ACSBG2: variants seen among roughly 807,000 people sequenced by gnomAD.
The protein encoded by ACSBG2 is long-chain-fatty-acid--CoA ligase ACSBG2.
ACSBG2 carries 62 observed loss-of-function variants against 74.7 expected under a neutral mutation model. That is an observed-to-expected ratio of 0.83 (90% CI 0.68 to 1.03). ACSBG2 has a LOEUF of 1.03. Among genes scored for constraint, ACSBG2 ranks in the 50% least tolerant of loss-of-function variants. The probability of loss-of-function intolerance (pLI) is 0.00; values close to 1 mark genes in which losing one functional copy is unlikely to be tolerated. For synonymous variants in ACSBG2, 309 were observed against 294.1 expected (o/e 1.05, Z -0.52); for missense variants, 730 against 817.6 (o/e 0.89, Z 1.31).
Position 6,183,145 on chromosome 19 carries a change from G to T in ACSBG2, c.1195G>T (p.Ala399Ser). 6.2e-7 allele frequency: 1 copy of T among 1,614,224 alleles called. No homozygotes were observed. The highest frequency in any genetic ancestry group is 2.2e-5 in the East Asian group (1 of 44,888). Residue 399 changes from alanine (A) to serine (S), a missense_variant, in exon 10 of 15, where the codon GCG (alanine) becomes TCG (serine). Coordinates refer to ENST00000588485, the MANE Select transcript of ACSBG2 (RefSeq NM_030924.5). ...CTGTCACTCTTTTATCAGTGGGACT[G>T]CGCCCCTCAACCAAGAGACTGCCGA... Reference protein sequence around the residue: ...DHCHSFISGTAPLNQETAEFF... With the variant: ...DHCHSFISGTSPLNQETAEFF...
At chr19:6,159,982 C>G (rs2089551489) in intron 5 of ACSBG2, among the ~76,000 whole-genome samples, 1 of 152,160 alleles carries the variant, frequency 6.6e-6, no homozygotes, top group African/African-American at 2.4e-5. Context: ...CAATGCATGC[C>G]AGAGGCGTGG....
chr19:6,159,667 G>A (rs954234185), intron 5 of ACSBG2, among the ~76,000 whole-genome samples: 1 of 152,184 alleles, frequency 6.6e-6, no homozygotes, highest in African/African-American at 2.4e-5. Context: ...TTATTTGGGG[G>A]AGTAATCACA....
At chr19:6,185,376 A>C (rs2090375535) in intron 10 of ACSBG2, 60 bp from the exon 11 acceptor site, 1 of 1,567,938 alleles carries the variant, frequency 6.4e-7, no homozygotes, top group Non-Finnish European at 8.8e-7. Flanking sequence ...AGATCCAGGC[A>C]GAGCTGGGTG....
At chr19:6,141,101 A>C (rs1163395802) in intron 1 of ACSBG2, among the ~76,000 whole-genome samples, 1 of 152,104 alleles carries the variant, frequency 6.6e-6, no homozygotes, top group East Asian at 1.9e-4. Flanking sequence ...CCATGTGGAA[A>C]ATTTAAAAAT....
chr19:6,190,599 T>C lies in ACSBG2; in HGVS notation c.1943T>C (p.Leu648Pro). 6.2e-7 allele frequency: 1 copy of C among 1,614,022 alleles called. No homozygotes were observed. Among genetic ancestry groups the C allele is most frequent in the Non-Finnish European group, 8.5e-7 (1 of 1,179,946 alleles). Residue 648 changes from leucine (L) to proline (P), a missense_variant, in exon 14 of 15, where the codon CTT becomes CCT. Leu to Pro is a moderately conservative substitution (Grantham distance 98, BLOSUM62 -3). Transcript: ENST00000588485. ...TTCTCGATAGGTCCAATGATGAAACTTAAGAGACATTTTGTAGCCCAGAAA... is the reference window on the plus strand; with the variant it reads ...TTCTCGATAGGTCCAATGATGAAACCTAAGAGACATTTTGTAGCCCAGAAA... ...YGGELGPMMK[L>P]KRHFVAQKYK...
At chr19:6,149,721 T>C (rs1467645222) in intron 3 of ACSBG2, among the ~76,000 whole-genome samples, 1 of 152,132 alleles carries the variant, frequency 6.6e-6, no homozygotes, top group African/African-American at 2.4e-5. Flanking sequence ...TGGGCCAGGC[T>C]GGTCTCGAAC....
rs1443928725 is a variant in ACSBG2 at position 6,135,917 on chromosome 19, T to A, written c.-32+8T>A. 1 of 152,046 alleles carries A rather than the reference T, an allele frequency of 6.6e-6. No homozygotes were observed. The highest frequency in any genetic ancestry group is 1.9e-4 in the East Asian group (1 of 5,196). The allele number at this position is 152,046 out of a possible 1,614,324, so 9.4% of individuals were successfully genotyped here. A position where few individuals can be genotyped will look rare whatever the true frequency, so the allele number is the denominator to read the frequency against. On this transcript the variant is annotated splice_region_variant and intron_variant, in intron 1 of 14. Transcript: ENST00000588485. The stretch of plus-strand genomic sequence containing the variant: ...CCTCTTGAAGAGTGACAGGTGCCAG[T>A]GGTATGGGAGAAGGGCATGCGTTTT...
chr19:6,151,218 G>C (rs1175526610), intron 3 of ACSBG2, among the ~76,000 whole-genome samples: 2 of 151,756 alleles, frequency 1.3e-5, no homozygotes, highest in African/African-American at 2.4e-5. Flanking sequence ...GTGTTATGTA[G>C]AGGGAGGTAA....
At chr19:6,155,576 G>A (rs2089389783) in intron 4 of ACSBG2, among the ~76,000 whole-genome samples, 2 of 152,104 alleles carry the variant, frequency 1.3e-5, no homozygotes, top group African/African-American at 4.8e-5. Context: ...GGTCACTGGA[G>A]TCCAGGAGTT....
chr19:6,141,479 A>G (rs2088830353), intron 1 of ACSBG2, 34 bp from the exon 2 acceptor site: 4 of 1,097,384 alleles, frequency 3.6e-6, no homozygotes, highest in Non-Finnish European at 5.6e-6. Flanking sequence ...CCCTTTGCCA[A>G]TCCTGTTAAA....
rs2090201627 is a variant in ACSBG2, at chr19:6,180,036, G to A, written c.906+2640G>A. ...TTGGGGACCTTTTCCAGCTTCTAGA[G>A]GCCACCTATGTTCCTTATCTCAGGG... On this transcript the variant is annotated intron_variant, in intron 8 of 14. Transcript: ENST00000588485. This position sits in a 1 kb window ranked among gnomAD's most constrained non-coding sequence, Gnocchi z 4.3. Among the ~76,000 whole-genome samples the A allele has an allele frequency of 6.6e-6, 1 of 152,006 alleles. No individual in the cohort carries two copies. The highest frequency in any genetic ancestry group is 2.4e-5 in the African/African-American group (1 of 41,374).
At chr19:6,158,451 T>A (rs560517624) in intron 5 of ACSBG2, among the ~76,000 whole-genome samples, 1 of 152,178 alleles carries the variant, frequency 6.6e-6, no homozygotes, top group Admixed American at 6.5e-5. Context: ...TTTTTTTTTT[T>A]TTTTCATTGT....
At chr19:6,143,757 T>C (rs1464477500) in intron 2 of ACSBG2, among the ~76,000 whole-genome samples, 1 of 152,148 alleles carries the variant, frequency 6.6e-6, no homozygotes, top group African/African-American at 2.4e-5. Flanking sequence ...GTGGTTTCTT[T>C]GTGAGCTGGT....
chr19:6,167,984 C>CCA (rs1555694650), intron 7 of ACSBG2, among the ~76,000 whole-genome samples: 2,653 of 147,092 alleles, frequency 0.018, 96 homozygotes, highest in African/African-American at 0.062. Flanking sequence ...CTCACCCCCA[C>CCA]CCCCAGTCTA....
At chr19:6,149,601 G>A (rs2089162303) in intron 3 of ACSBG2, among the ~76,000 whole-genome samples, 1 of 151,054 alleles carries the variant, frequency 6.6e-6, no homozygotes, top group African/African-American at 2.4e-5. Context: ...TCAGCCTCCA[G>A]GTTCAAGCAA....
intron 7 of ACSBG2, among the ~76,000 whole-genome samples, chr19:6,175,059 G>A (rs143919458): frequency 6.6e-6 from 1 of 152,164 alleles, no homozygotes; most frequent in African/African-American, 2.4e-5. Context: ...ACTGAGATCT[G>A]AACCAGGAGT....
intron 3 of ACSBG2, among the ~76,000 whole-genome samples, chr19:6,150,770 G>A (rs900151537): frequency 6.6e-6 from 1 of 152,124 alleles, no homozygotes; most frequent in Non-Finnish European, 1.5e-5. Context: ...GAACAGTGGT[G>A]ACGGTTGTAC....
intron 14 of ACSBG2, 120 bp downstream of exon 14, chr19:6,190,812 TACAC>T (rs58730661): frequency 0.019 from 6,276 of 335,940 alleles, 37 homozygotes; most frequent in Middle Eastern, 0.041. Flanking sequence ...CACACATACA[TACAC>T]ACACACACAC....
At chr19:6,191,460 T>C (rs1490844031) in intron 14 of ACSBG2, 3 of 152,082 alleles carry the variant, frequency 2.0e-5, no homozygotes, top group Non-Finnish European at 4.4e-5. Flanking sequence ...AGGCTAAAAG[T>C]GTGAGATTGA....
Sources: gnomAD v4.1 joint callset for allele counts (sites outside exome capture counted in the v4.1 genomes callset) on GRCh38, gnomAD v4.1.1 for gene constraint, Gnocchi (gnomAD v3.1) non-coding constraint, MANE v1.5 for transcripts, NCBI Gene and HGNC (gene_info 2026-07-23, HGNC 2026-07-21) for gene names.